Variants in IL20RB observed in about 807,000 individuals in gnomAD.
IL20RB encodes the protein interleukin-20 receptor subunit beta.
In IL20RB, 21 loss-of-function variants were observed where a neutral mutation model predicts 33.3. The observed-to-expected ratio is 0.63, with a 90% confidence interval of 0.45 to 0.91. The LOEUF is 0.91. Ranked by LOEUF, IL20RB falls within the 40% of genes least tolerant of loss-of-function variation. The pLI is 0.00. For missense variants in IL20RB, 345 were observed against 384.8 expected (o/e 0.90, Z 0.86); for synonymous variants, 147 against 146.8 (o/e 1.00, Z -0.01).
chr3:136,961,843 TA>T (rs532751107), intron 1 of IL20RB, among the ~76,000 whole-genome samples: 30 of 152,298 alleles, frequency 2.0e-4, no homozygotes, highest in Non-Finnish European at 3.4e-4. Context: ...TCTGTAAATC[TA>T]AAATTATTCC....
chr3:136,987,938 C>T (rs530095236), intron 3 of IL20RB, among the ~76,000 whole-genome samples: 13 of 152,316 alleles, frequency 8.5e-5, no homozygotes, highest in Non-Finnish European at 1.5e-4. Context: ...GCAAGCGCCG[C>T]GTGCAGCCCC....
chr3:136,997,392 T>C (rs1330567757), intron 6 of IL20RB, among the ~76,000 whole-genome samples: 6 of 152,272 alleles, frequency 3.9e-5, no homozygotes, highest in Admixed American at 2.6e-4. Context: ...GCACCTGGCC[T>C]GTTTCTCTCT....
chr3:136,962,977 G>A (rs993826585), intron 1 of IL20RB, among the ~76,000 whole-genome samples: 1 of 150,480 alleles, frequency 6.6e-6, no homozygotes, highest in Admixed American at 6.6e-5. Context: ...TTTTATAATT[G>A]TGCTATGGTT....
intron 6 of IL20RB, among the ~76,000 whole-genome samples, chr3:137,008,201 G>A (rs1214536914): frequency 6.6e-6 from 1 of 152,082 alleles, no homozygotes; most frequent in Admixed American, 6.6e-5. Flanking sequence ...AACCGTCCAA[G>A]TATGACCTTG....
At chr3:137,004,023 G>A (rs1942299472) in intron 6 of IL20RB, among the ~76,000 whole-genome samples, 1 of 152,166 alleles carries the variant, frequency 6.6e-6, no homozygotes, top group South Asian at 2.1e-4. Context: ...AGATAATGGT[G>A]TGGTTTTTGT....
chr3:137,001,630 G>C (rs1029611874), intron 6 of IL20RB, among the ~76,000 whole-genome samples: 1 of 152,080 alleles, frequency 6.6e-6, no homozygotes, highest in Non-Finnish European at 1.5e-5. Flanking sequence ...CTTCAAAAGG[G>C]TCTACTGAGT....
chr3:136,988,695 A>G lies in IL20RB; in HGVS notation c.407-746A>G, dbSNP rs527842446. Among the ~76,000 whole-genome samples the G allele has an allele frequency of 9.4e-5, 14 of 149,526 alleles. 1 individual carries two copies. The South Asian group carries it at 2.8e-3, about 30-fold the overall frequency. Reference sequence around the variant, plus strand: ...GAGTTCGAGGCTGCAGTGAGCCATGATAGTGCCACTATACACTCCAGCTTG... The same window carrying G: ...GAGTTCGAGGCTGCAGTGAGCCATGGTAGTGCCACTATACACTCCAGCTTG... On this transcript the variant is annotated intron_variant, in intron 3 of 6. Coordinates refer to ENST00000329582, the MANE Select transcript of IL20RB (RefSeq NM_144717.4).
chr3:137,003,346 T>C (rs575866462), intron 6 of IL20RB, among the ~76,000 whole-genome samples: 1 of 152,338 alleles, frequency 6.6e-6, no homozygotes, highest in South Asian at 2.1e-4. Context: ...ATTGAATGTA[T>C]AAATTACTTT....
intron 1 of IL20RB, among the ~76,000 whole-genome samples, chr3:136,978,596 T>C (rs1198630605): frequency 6.6e-6 from 1 of 152,250 alleles, no homozygotes; most frequent in African/African-American, 2.4e-5. Flanking sequence ...TTTTCAAATG[T>C]TGAACCAGCC....
At chr3:137,008,740 C>A (rs1933002724) in intron 6 of IL20RB, among the ~76,000 whole-genome samples, 1 of 151,834 alleles carries the variant, frequency 6.6e-6, no homozygotes, top group Non-Finnish European at 1.5e-5. Flanking sequence ...CAGAATAAAA[C>A]AAGAATATAA....
chr3:136,982,415 T>C, intron 3 of IL20RB, 65 bp downstream of exon 3: 7 of 1,200,420 alleles, frequency 5.8e-6, no homozygotes, highest in Non-Finnish European at 8.2e-6. Context: ...CATGTTCACC[T>C]AAACTTTCTA....
intron 1 of IL20RB, among the ~76,000 whole-genome samples, chr3:136,973,712 A>G (rs1941547012): frequency 6.6e-6 from 1 of 152,058 alleles, no homozygotes. Flanking sequence ...CTTTAGATCT[A>G]GTAGTATTTG....
intron 6 of IL20RB, among the ~76,000 whole-genome samples, chr3:137,003,776 T>C (rs1211267411): frequency 6.6e-6 from 1 of 152,226 alleles, no homozygotes; most frequent in East Asian, 1.9e-4. Flanking sequence ...CTTGCCTGCT[T>C]GGCCTGGCCA....
intron 3 of IL20RB, among the ~76,000 whole-genome samples, chr3:136,988,069 G>A (rs1408413588): frequency 1.3e-5 from 2 of 152,228 alleles, no homozygotes. Flanking sequence ...CTCCTCAAGT[G>A]CGGCCAAAGT....
At chr3:136,960,703 C>T (rs1169728361) in intron 1 of IL20RB, among the ~76,000 whole-genome samples, 1 of 152,134 alleles carries the variant, frequency 6.6e-6, no homozygotes, top group Admixed American at 6.5e-5. Flanking sequence ...GTCCAAGTAC[C>T]TATATCTAGT....
intron 1 of IL20RB, among the ~76,000 whole-genome samples, chr3:136,959,799 C>G (rs898304392): frequency 1.3e-5 from 2 of 152,164 alleles, no homozygotes; most frequent in African/African-American, 4.8e-5. Flanking sequence ...TGAGTTTTGG[C>G]TCTGTTACTC....
chr3:136,978,039 A>G (rs559361483), intron 1 of IL20RB, among the ~76,000 whole-genome samples: 1 of 152,192 alleles, frequency 6.6e-6, no homozygotes, highest in Non-Finnish European at 1.5e-5. Context: ...CTGATCTTGG[A>G]GAGGAAGCAT....
intron 6 of IL20RB, among the ~76,000 whole-genome samples, chr3:137,005,947 T>A (rs543696528): frequency 1.3e-5 from 2 of 152,366 alleles, no homozygotes; most frequent in South Asian, 4.1e-4. Context: ...GGAGCTGTTG[T>A]AAGGCAGGCC....
chr3:137,010,249 C>G lies in IL20RB; in HGVS notation c.*26C>G, dbSNP rs375713236. Reference sequence around the variant, plus strand: ...GTTTGCGGAAGGGCCCAGGTGAAGCCGAGAACCTGGTCTGCATGACATGGA... The same window carrying G: ...GTTTGCGGAAGGGCCCAGGTGAAGCGGAGAACCTGGTCTGCATGACATGGA... On this transcript the variant is annotated 3_prime_UTR_variant, in exon 7 of 7. Coordinates refer to ENST00000329582, the MANE Select transcript of IL20RB (RefSeq NM_144717.4). 9.3e-7 allele frequency: 1 copy of G among 1,071,478 alleles called. No homozygotes were observed. The highest frequency in any genetic ancestry group is 1.5e-6 in the Non-Finnish European group (1 of 686,720). The allele number at this position is 1,071,478 out of a possible 1,614,324, so 66.4% of individuals were successfully genotyped here.
Sources: allele counts gnomAD v4.1 joint callset (sites outside exome capture counted in the v4.1 genomes callset), GRCh38; gene constraint gnomAD v4.1.1; transcripts MANE v1.5; gene names NCBI Gene and HGNC (gene_info 2026-07-23, HGNC 2026-07-21).